The following SLIT3 variants were observed in gnomAD, a reference collection of about 807,000 sequenced individuals.
SLIT3 encodes the protein slit guidance ligand 3, also known as slit homolog 3 protein.
In SLIT3, 68 loss-of-function variants were observed where a neutral mutation model predicts 184.0. The observed-to-expected ratio is 0.37, with a 90% CI of 0.30 to 0.45. The LOEUF (loss-of-function observed/expected upper bound fraction) is 0.45, where lower values mean the gene tolerates loss of function less well. SLIT3 is among the 20% of genes least tolerant of loss of function. The probability of loss-of-function intolerance (pLI) is 1.00; values close to 1 mark genes in which losing one functional copy is unlikely to be tolerated. For synonymous variants in SLIT3, 831 were observed against 828.6 expected (o/e 1.00, Z -0.05); for missense variants, 1,707 against 2,026.0 (o/e 0.84, Z 3.02).
chr5:169,067,073 T>C (rs1758376384), intron 4 of SLIT3, among the ~76,000 whole-genome samples: 1 of 152,186 alleles, frequency 6.6e-6, no homozygotes, highest in African/African-American at 2.4e-5. Flanking sequence ...ATTTCCACCA[T>C]GACATCTTTG....
intron 33 of SLIT3, 82 bp downstream of exon 33, chr5:168,673,095 G>T: frequency 7.2e-7 from 1 of 1,382,954 alleles, no homozygotes; most frequent in Non-Finnish European, 1.0e-6. Flanking sequence ...TTCCCTGATT[G>T]GCTTTGGCAG....
chr5:168,991,106 C>T (rs1048781236), intron 4 of SLIT3, among the ~76,000 whole-genome samples: 1 of 152,198 alleles, frequency 6.6e-6, no homozygotes, highest in African/African-American at 2.4e-5. Context: ...TTATTAGATA[C>T]TATACTAGAA....
At chr5:168,785,378 C>T (rs148007637) in intron 12 of SLIT3, among the ~76,000 whole-genome samples, 3 of 152,164 alleles carry the variant, frequency 2.0e-5, no homozygotes, top group Non-Finnish European at 4.4e-5. Flanking sequence ...AAGCAACAAC[C>T]CTTCCTTTAA....
chr5:168,789,978 C>T (rs1470175281), intron 10 of SLIT3: 3 of 214,914 alleles, frequency 1.4e-5, no homozygotes, highest in Non-Finnish European at 1.8e-5. Flanking sequence ...AAGCAATTAA[C>T]GACACAGATG....
intron 4 of SLIT3, among the ~76,000 whole-genome samples, chr5:168,953,640 C>G (rs1231365638): frequency 1.3e-5 from 2 of 152,224 alleles, no homozygotes; most frequent in Non-Finnish European, 2.9e-5. Context: ...CAGAGAAGCA[C>G]TTTATAGCCT....
At chr5:168,687,264 A>T in intron 29 of SLIT3, 148 bp from the exon 30 acceptor site, 1 of 890,788 alleles carries the variant, frequency 1.1e-6, no homozygotes, top group South Asian at 1.7e-5. Flanking sequence ...GCTCCACAGC[A>T]GGTTTCCCTG....
At chr5:168,997,194 G>C (rs1308497847) in intron 4 of SLIT3, among the ~76,000 whole-genome samples, 1 of 152,096 alleles carries the variant, frequency 6.6e-6, no homozygotes, top group Non-Finnish European at 1.5e-5. Flanking sequence ...TCTGGAAGCT[G>C]GTCTCCTGAG....
In SLIT3 at chr5:169,250,864, T is replaced by A. The variant is rs140762565; in HGVS notation, c.269+524A>T. Reference sequence around the variant, plus strand: ...GATGAAAGTGTTCAATATTCAGCAATGAAACCTAATATTCCTTGCTCCTCT... The same window carrying A: ...GATGAAAGTGTTCAATATTCAGCAAAGAAACCTAATATTCCTTGCTCCTCT... On this transcript the variant is annotated intron_variant, in intron 2 of 35. Coordinates refer to ENST00000519560, the MANE Select transcript of SLIT3 (RefSeq NM_003062.4). 7.2e-5 allele frequency among the ~76,000 whole-genome samples: 11 copies of A among 152,352 alleles called. No individual in the cohort carries two copies. In the East Asian group the frequency reaches 1.7e-3, roughly 24 times the overall value.
At chr5:168,903,000 G>T (rs374009212) in intron 4 of SLIT3, among the ~76,000 whole-genome samples, 109 of 152,270 alleles carry the variant, frequency 7.2e-4, no homozygotes, top group African/African-American at 2.5e-3. Context: ...GCCATGGAAG[G>T]GTTTCCAGCA....
chr5:168,816,581 T>C (rs1757340554), intron 8 of SLIT3, among the ~76,000 whole-genome samples: 1 of 152,226 alleles, frequency 6.6e-6, no homozygotes, highest in South Asian at 2.1e-4. Flanking sequence ...TTCAGTTATG[T>C]GTCTGCATCA....
At chr5:169,057,691 ACG>A (rs2113083408) in intron 4 of SLIT3, among the ~76,000 whole-genome samples, 1 of 152,296 alleles carries the variant, frequency 6.6e-6, no homozygotes, top group South Asian at 2.1e-4. Flanking sequence ...ATGACTCCCC[ACG>A]GTGCCAGAAG....
chr5:169,183,684 A>G (rs1250469100), intron 4 of SLIT3, among the ~76,000 whole-genome samples: 1 of 152,230 alleles, frequency 6.6e-6, no homozygotes, highest in Non-Finnish European at 1.5e-5. Flanking sequence ...TACTAAATCC[A>G]TGAAATCACT....
chr5:169,132,047 C>A (rs1761319270), intron 4 of SLIT3, among the ~76,000 whole-genome samples: 1 of 152,210 alleles, frequency 6.6e-6, no homozygotes, highest in Non-Finnish European at 1.5e-5. Flanking sequence ...CAGCTCTATT[C>A]TGCCTTCCTC....
At chr5:168,950,355 A>G (rs78874008) in intron 4 of SLIT3, among the ~76,000 whole-genome samples, 2,751 of 152,296 alleles carry the variant, frequency 0.018, 41 homozygotes, top group East Asian at 0.032. Context: ...TAAGTCACCC[A>G]GTCTATGGTA....
intron 4 of SLIT3, among the ~76,000 whole-genome samples, chr5:169,058,441 G>T (rs1320017983): frequency 6.6e-6 from 1 of 152,206 alleles, no homozygotes; most frequent in Non-Finnish European, 1.5e-5. Context: ...GGTCAAGGAG[G>T]CAAGAGCGGC....
chr5:168,922,091 C>T (rs1761654023), intron 4 of SLIT3, among the ~76,000 whole-genome samples: 1 of 152,100 alleles, frequency 6.6e-6, no homozygotes, highest in Non-Finnish European at 1.5e-5. Flanking sequence ...GTAACTGGCC[C>T]CATGCTGCAG....
At chr5:168,914,693 T>C (rs1313957086) in intron 4 of SLIT3, among the ~76,000 whole-genome samples, 1 of 152,210 alleles carries the variant, frequency 6.6e-6, no homozygotes, top group Non-Finnish European at 1.5e-5. Context: ...TTTTCTGTAC[T>C]GTGCTTCTCT....
intron 6 of SLIT3, among the ~76,000 whole-genome samples, chr5:168,843,565 C>A (rs780404318): frequency 6.6e-6 from 1 of 152,086 alleles, no homozygotes; most frequent in African/African-American, 2.4e-5. Context: ...AGCAACCAAC[C>A]CTTTCATTTT....
chr5:169,291,389 C>A (rs941452105), intron 1 of SLIT3, among the ~76,000 whole-genome samples: 6 of 152,186 alleles, frequency 3.9e-5, no homozygotes, highest in African/African-American at 1.2e-4. Context: ...GGACACATAC[C>A]ATGGAGATAT....
Sources: allele counts gnomAD v4.1 joint callset (sites outside exome capture counted in the v4.1 genomes callset), GRCh38; gene constraint gnomAD v4.1.1; transcripts MANE v1.5; gene names NCBI Gene and HGNC (gene_info 2026-07-23, HGNC 2026-07-21).